The following CNTN4 variants were observed in gnomAD, a reference collection of about 807,000 sequenced individuals.
The protein encoded by CNTN4 is contactin 4.
In CNTN4, 77 loss-of-function variants were observed where a neutral mutation model predicts 122.5. The ratio of observed to expected loss-of-function variants is 0.63; its 90% CI spans 0.52 to 0.76. The LOEUF is 0.76. Ranked by LOEUF, CNTN4 falls within the 30% of genes least tolerant of loss-of-function variation. The probability of loss-of-function intolerance (pLI) is 0.00; values close to 1 mark genes in which losing one functional copy is unlikely to be tolerated. For missense variants in CNTN4, 1,256 were observed against 1,259.1 expected (o/e 1.00, Z 0.04); for synonymous variants, 512 against 447.0 (o/e 1.15, Z -1.83).
At chr3:2,933,619 C>A (rs550196340) in intron 13 of CNTN4, among the ~76,000 whole-genome samples, 3 of 152,322 alleles carry the variant, frequency 2.0e-5, no homozygotes, top group Middle Eastern at 3.4e-3. Flanking sequence ...GTTCTTCCCC[C>A]ATCCCACCAC....
intron 2 of CNTN4, among the ~76,000 whole-genome samples, chr3:2,120,640 T>TCAG (rs2033709570): frequency 6.6e-6 from 1 of 151,480 alleles, no homozygotes. Flanking sequence ...TGACCTTAGG[T>TCAG]GATCTGCCTG....
chr3:2,752,023 A>G (rs2090119542), intron 6 of CNTN4, among the ~76,000 whole-genome samples: 1 of 152,098 alleles, frequency 6.6e-6, no homozygotes, highest in Non-Finnish European at 1.5e-5. Flanking sequence ...TTACATTGTA[A>G]AGCATATGTA....
At chr3:2,877,432 A>G (rs566811396) in intron 8 of CNTN4, among the ~76,000 whole-genome samples, 1 of 152,386 alleles carries the variant, frequency 6.6e-6, no homozygotes, top group Non-Finnish European at 1.5e-5. Context: ...GCAATGAATT[A>G]TAATGAATTA....
At chr3:2,395,443 C>A (rs942969024) in intron 3 of CNTN4, among the ~76,000 whole-genome samples, 2 of 152,080 alleles carry the variant, frequency 1.3e-5, no homozygotes, top group African/African-American at 2.4e-5. Flanking sequence ...TATATACTTT[C>A]CTTTTAAATT....
intron 13 of CNTN4, among the ~76,000 whole-genome samples, chr3:2,984,241 G>A (rs1200545055): frequency 6.6e-6 from 1 of 152,172 alleles, no homozygotes; most frequent in Non-Finnish European, 1.5e-5. Context: ...TGATGGTGGG[G>A]AAAACATTTG....
At chr3:2,655,729 A>G (rs1221235621) in intron 4 of CNTN4, among the ~76,000 whole-genome samples, 1 of 152,180 alleles carries the variant, frequency 6.6e-6, no homozygotes, top group African/African-American at 2.4e-5. Flanking sequence ...GCTATTTGAA[A>G]TGACGGAACA....
chr3:2,195,510 C>A (rs2037792433), intron 2 of CNTN4, among the ~76,000 whole-genome samples: 1 of 152,084 alleles, frequency 6.6e-6, no homozygotes, highest in Admixed American at 6.6e-5. Context: ...ATATTGTTTT[C>A]CTTAATATTT....
intron 4 of CNTN4, among the ~76,000 whole-genome samples, chr3:2,619,786 A>G (rs1369413798): frequency 6.6e-6 from 1 of 152,234 alleles, no homozygotes; most frequent in Non-Finnish European, 1.5e-5. Context: ...TAATAACGCA[A>G]CATAGACAGA....
At chr3:2,108,165 C>CTTTTT (rs55760208) in intron 2 of CNTN4, among the ~76,000 whole-genome samples, 1 of 124,052 alleles carries the variant, frequency 8.1e-6, no homozygotes, top group Non-Finnish European at 1.7e-5. Context: ...TGTGCCTTTT[C>CTTTTT]TTTTTTTTTT....
intron 2 of CNTN4, among the ~76,000 whole-genome samples, chr3:2,245,387 A>G (rs1391645093): frequency 6.6e-6 from 1 of 152,054 alleles, no homozygotes; most frequent in Non-Finnish European, 1.5e-5. Flanking sequence ...TGGCAATAAG[A>G]CGAATAATAC....
chr3:2,697,018 G>A (rs1576484541), intron 4 of CNTN4, among the ~76,000 whole-genome samples: 1 of 152,270 alleles, frequency 6.6e-6, no homozygotes, highest in East Asian at 1.9e-4. Flanking sequence ...ATTCAGTTTC[G>A]TATATCACTT....
chr3:2,176,170 C>G (rs547631513), intron 2 of CNTN4, among the ~76,000 whole-genome samples: 1 of 152,178 alleles, frequency 6.6e-6, no homozygotes, highest in East Asian at 1.9e-4. Flanking sequence ...TAGCCAATGA[C>G]AGGCCTTCTA....
chr3:2,323,374 T>TG lies in CNTN4; in HGVS notation c.-144-15802dup, dbSNP rs2043337667. ...AACGTTGTTGCGTGCCATGGTCTCA[T>TG]GGAGATTCATGGAACCTGGTAAATT... On this transcript the variant is annotated intron_variant, in intron 2 of 24. Transcript: ENST00000418658. Among the ~76,000 whole-genome samples the TG allele has an allele frequency of 3.3e-5, 5 of 152,256 alleles. No homozygotes were observed. The South Asian group carries it at 1.0e-3, about 32-fold the overall frequency.
chr3:2,836,238 C>G (rs926986530), intron 7 of CNTN4, among the ~76,000 whole-genome samples: 2 of 152,116 alleles, frequency 1.3e-5, no homozygotes, highest in Non-Finnish European at 2.9e-5. Flanking sequence ...TCTCCAAGTT[C>G]TCTGGTCTAT....
At chr3:2,124,277 T>C (rs1268504627) in intron 2 of CNTN4, among the ~76,000 whole-genome samples, 1 of 152,132 alleles carries the variant, frequency 6.6e-6, no homozygotes, top group Non-Finnish European at 1.5e-5. Flanking sequence ...CGCTGTCACT[T>C]GTTTTCTCAA....
At chr3:3,039,829 C>T (rs1699975709) in intron 19 of CNTN4, 5 of 569,350 alleles carry the variant, frequency 8.8e-6, no homozygotes, top group South Asian at 7.6e-5. Flanking sequence ...ACTGCAGATC[C>T]TCATTACGTT....
At chr3:2,782,465 CTGTGTGTGTGTGTGTGTGTGTGTGTGTG>C (rs137927481) in intron 6 of CNTN4, among the ~76,000 whole-genome samples, 7 of 133,292 alleles carry the variant, frequency 5.3e-5, no homozygotes, top group Admixed American at 1.5e-4. Flanking sequence ...CCTTCTTATT[CTGTGTGTGTGTGTGTGTGTGTGTGTGTG>C]TGTGTGTGTG....
At chr3:2,431,612 C>T (rs1982998) in intron 3 of CNTN4, among the ~76,000 whole-genome samples, 142,247 of 151,990 alleles carry the variant, frequency 0.94, 66,603 homozygotes, top group East Asian at 0.99. Context: ...CTCAGAGGGA[C>T]TGAACACGTG....
Position 2,674,496 on chromosome 3 carries a change from C to G in CNTN4, c.56-61719C>G, listed in dbSNP as rs112348403. Among the ~76,000 whole-genome samples the G allele has an allele frequency of 9.7e-3, 1,481 of 152,292 alleles. 25 individuals carry two copies. Among genetic ancestry groups the G allele is most frequent in the African/African-American group, 0.034 (1,403 of 41,564 alleles). On this transcript the variant is annotated intron_variant, in intron 4 of 24. Coordinates refer to ENST00000418658, the MANE Select transcript of CNTN4 (RefSeq NM_175607.3). Reference sequence around the variant, plus strand: ...CTGTGTCCAGGCATGCTGGCTCATGCCTATAATCCCAGCACTTTGGGAGGC... The same window carrying G: ...CTGTGTCCAGGCATGCTGGCTCATGGCTATAATCCCAGCACTTTGGGAGGC...
Sources: gnomAD v4.1 joint callset for allele counts (sites outside exome capture counted in the v4.1 genomes callset) on GRCh38, gnomAD v4.1.1 for gene constraint, MANE v1.5 for transcripts, NCBI Gene and HGNC (gene_info 2026-07-23, HGNC 2026-07-21) for gene names.